The following DSCAM variants were observed in gnomAD, a reference collection of about 807,000 sequenced individuals.
DSCAM encodes the protein cell adhesion molecule DSCAM.
In DSCAM, 47 loss-of-function variants were observed where a neutral mutation model predicts 217.7. That is an observed-to-expected ratio of 0.22 (90% CI 0.17 to 0.28). DSCAM has a LOEUF of 0.28. Among genes scored for constraint, DSCAM ranks in the 10% least tolerant of loss-of-function variants. The probability of loss-of-function intolerance (pLI) is 1.00; values close to 1 mark genes in which losing one functional copy is unlikely to be tolerated. For missense variants in DSCAM, 2,080 were observed against 2,618.3 expected (o/e 0.79, Z 4.49); for synonymous variants, 1,056 against 1,015.3 (o/e 1.04, Z -0.76).
intron 1 of DSCAM, among the ~76,000 whole-genome samples, chr21:40,817,022 A>T (rs1187941779): frequency 6.6e-6 from 1 of 152,156 alleles, no homozygotes; most frequent in Non-Finnish European, 1.5e-5. Context: ...ATAGGTAAGG[A>T]TTGAATTCTC....
intron 3 of DSCAM, among the ~76,000 whole-genome samples, chr21:40,554,623 C>T (rs2076656698): frequency 6.6e-6 from 1 of 152,134 alleles, no homozygotes; most frequent in African/African-American, 2.4e-5. Flanking sequence ...GTTATCCACT[C>T]ACATAGAGGG....
At chr21:40,484,930 C>T (rs530760446) in intron 3 of DSCAM, among the ~76,000 whole-genome samples, 2 of 152,298 alleles carry the variant, frequency 1.3e-5, no homozygotes, top group South Asian at 2.1e-4. Context: ...CCTGTAGCTT[C>T]CTGCTCTGTC....
At chr21:40,201,032 C>T (rs1467919215) in intron 11 of DSCAM, among the ~76,000 whole-genome samples, 1 of 152,222 alleles carries the variant, frequency 6.6e-6, no homozygotes, top group African/African-American at 2.4e-5. Context: ...AATATCTCCT[C>T]AGCTGGGTTA....
intron 20 of DSCAM, among the ~76,000 whole-genome samples, chr21:40,107,934 A>T (rs2089842676): frequency 6.6e-6 from 1 of 152,166 alleles, no homozygotes; most frequent in African/African-American, 2.4e-5. Flanking sequence ...AAATAGATGC[A>T]GAAAAGGCTT....
chr21:40,246,596 C>A (rs2073229462), intron 11 of DSCAM, among the ~76,000 whole-genome samples: 1 of 150,394 alleles, frequency 6.6e-6, no homozygotes, highest in Non-Finnish European at 1.5e-5. Flanking sequence ...GGTAGATGTG[C>A]ACTACTCATG....
intron 8 of DSCAM, among the ~76,000 whole-genome samples, chr21:40,326,094 T>C (rs1213559809): frequency 6.6e-6 from 1 of 152,290 alleles, no homozygotes; most frequent in East Asian, 1.9e-4. Context: ...TACACATAAG[T>C]CTGTGCCTAT....
At chr21:40,697,741 TGTG>T (rs1444903948) in intron 2 of DSCAM, among the ~76,000 whole-genome samples, 2 of 152,256 alleles carry the variant, frequency 1.3e-5, no homozygotes, top group Non-Finnish European at 2.9e-5. Context: ...GTACTACACC[TGTG>T]TTGTATTCTT....
At chr21:40,361,164 C>T (rs2837576) in intron 4 of DSCAM, among the ~76,000 whole-genome samples, 110,233 of 151,130 alleles carry the variant, frequency 0.73, 40,617 homozygotes, top group African/African-American at 0.82. Flanking sequence ...ATTATTTTTA[C>T]CCCAAACATT....
chr21:40,544,038 A>G (rs1262073514), intron 3 of DSCAM, among the ~76,000 whole-genome samples: 1 of 152,094 alleles, frequency 6.6e-6, no homozygotes, highest in Non-Finnish European at 1.5e-5. Context: ...AGTCAGTGTG[A>G]GTTGGGTTTA....
chr21:40,620,982 A>G (rs577466425), intron 3 of DSCAM, among the ~76,000 whole-genome samples: 64 of 152,330 alleles, frequency 4.2e-4, no homozygotes, highest in African/African-American at 1.5e-3. Flanking sequence ...CCAGACTCAA[A>G]AGTTTGCATT....
At chr21:40,466,685 G>A (rs1432219693) in intron 3 of DSCAM, among the ~76,000 whole-genome samples, 1 of 152,148 alleles carries the variant, frequency 6.6e-6, no homozygotes, top group African/African-American at 2.4e-5. Context: ...GACCTCTGAA[G>A]ACAGCTAACA....
chr21:40,436,590 A>T (rs2075584730), intron 3 of DSCAM, among the ~76,000 whole-genome samples: 1 of 152,232 alleles, frequency 6.6e-6, no homozygotes, highest in South Asian at 2.1e-4. Flanking sequence ...CAGAAAACAG[A>T]CAACAGGGGT....
At chr21:40,186,775 C>T (rs7280195) in intron 14 of DSCAM, among the ~76,000 whole-genome samples, 4 of 152,074 alleles carry the variant, frequency 2.6e-5, no homozygotes, top group African/African-American at 9.7e-5. Flanking sequence ...TCACCCAGCT[C>T]GGGAAACGGG....
intron 2 of DSCAM, among the ~76,000 whole-genome samples, chr21:40,698,770 T>G (rs1380655064): frequency 6.7e-6 from 1 of 150,324 alleles, no homozygotes; most frequent in Non-Finnish European, 1.5e-5. Context: ...CTAGTGCGGC[T>G]GAGGCAGGAG....
intron 11 of DSCAM, among the ~76,000 whole-genome samples, chr21:40,212,136 A>AT (rs1165726432): frequency 2.0e-5 from 3 of 151,734 alleles, no homozygotes; most frequent in African/African-American, 4.8e-5. Context: ...CGCCTGGCTA[A>AT]TTTTTTTATT....
At chr21:40,521,279 G>T (rs964943700) in intron 3 of DSCAM, among the ~76,000 whole-genome samples, 1 of 152,194 alleles carries the variant, frequency 6.6e-6, no homozygotes, top group African/African-American at 2.4e-5. Flanking sequence ...ACTCAGGAGT[G>T]AAAGTACTGG....
At chr21:40,307,746 T>C (rs1255056601) in intron 9 of DSCAM, among the ~76,000 whole-genome samples, 1 of 152,104 alleles carries the variant, frequency 6.6e-6, no homozygotes, top group Admixed American at 6.5e-5. Context: ...TGGAATACTA[T>C]GCAGCCATAA....
chr21:40,500,811 T>C (rs1302975856), intron 3 of DSCAM, among the ~76,000 whole-genome samples: 1 of 152,198 alleles, frequency 6.6e-6, no homozygotes, highest in Non-Finnish European at 1.5e-5. Flanking sequence ...TTCTGCCCTA[T>C]AGTCTCCTGC....
At chr21:40,170,442 C>A (rs770159282) in intron 15 of DSCAM, among the ~76,000 whole-genome samples, 1 of 152,186 alleles carries the variant, frequency 6.6e-6, no homozygotes, top group Non-Finnish European at 1.5e-5. Context: ...GGACAGCTGG[C>A]AGTCTGGAGT....
Sources: allele counts gnomAD v4.1 joint callset (sites outside exome capture counted in the v4.1 genomes callset), GRCh38; gene constraint gnomAD v4.1.1; transcripts MANE v1.5; gene names NCBI Gene and HGNC (gene_info 2026-07-23, HGNC 2026-07-21).